Variants in SPECC1 observed in about 807,000 individuals in gnomAD.
The protein encoded by SPECC1 is sperm antigen with calponin homology and coiled-coil domains 1, also known as cytospin-B.
SPECC1 carries 62 observed loss-of-function variants against 104.1 expected under a neutral mutation model. The ratio of observed to expected loss-of-function variants is 0.60; its 90% CI spans 0.49 to 0.74. SPECC1 has a LOEUF of 0.74. Ranked by LOEUF, SPECC1 falls within the 30% of genes least tolerant of loss-of-function variation. The pLI is 0.00. For synonymous variants in SPECC1, 513 were observed against 501.6 expected, an observed-to-expected ratio of 1.02 and a Z score of -0.30; for missense variants, 1,306 against 1,310.5, an observed-to-expected ratio of 1.00 and a Z score of 0.05.
intron 1 of SPECC1, among the ~76,000 whole-genome samples, chr17:20,091,780 T>TA: frequency 6.6e-6 from 1 of 152,216 alleles, no homozygotes; most frequent in East Asian, 1.9e-4. Context: ...CCAGTGCTTA[T>TA]TGTGCTTGTA....
intron 1 of SPECC1, chr17:20,056,335 C>T (rs1597624815): frequency 5.3e-6 from 1 of 189,432 alleles, no homozygotes; most frequent in East Asian, 1.3e-4. Context: ...TGGGAACCCG[C>T]AGAAGCCTGC....
chr17:20,125,545 A>G (rs913556416), intron 3 of SPECC1, among the ~76,000 whole-genome samples: 2 of 152,212 alleles, frequency 1.3e-5, no homozygotes, highest in Non-Finnish European at 2.9e-5. Flanking sequence ...CACTGTCTGC[A>G]GCCCTTGGCA....
At chr17:20,072,385 A>G (rs968297265) in intron 1 of SPECC1, among the ~76,000 whole-genome samples, 2 of 152,168 alleles carry the variant, frequency 1.3e-5, no homozygotes, top group African/African-American at 2.4e-5. Context: ...CCCAACCACT[A>G]CCACCTCCTG....
In SPECC1 at chr17:20,205,524, C is replaced by A. The variant is rs2036718698; in HGVS notation, c.1475C>A (p.Thr492Asn). 1.2e-6 allele frequency: 2 copies of A among 1,614,014 alleles called. No homozygotes were observed. The change falls in exon 4 of 15, where the codon ACC becomes AAC. Residue 492 changes from threonine (T) to asparagine (N), a missense_variant. Around this residue, in one of 2 missense-constraint regions of SPECC1, gnomAD observed 1,177 missense variants for 1,139.9 expected, o/e 1.03. Transcript: ENST00000395527. The part of the protein sequence containing the change: ...EKLLNIQQQL[T>N]CSLRKVEEEN... ...CTACTCAACATTCAGCAGCAGTTGA[C>A]CTGTAGCTTGCGGAAGGTTGAGGAA...
In SPECC1 at chr17:20,009,368, T is replaced by TG. The variant is rs1567790587; in HGVS notation, c.-77dup. On this transcript the variant is annotated 5_prime_UTR_variant, in exon 1 of 15. Coordinates refer to ENST00000395527, the MANE Select transcript of SPECC1 (RefSeq NM_001243439.2). The surrounding 1 kb of genome is among the most constrained non-coding windows in gnomAD (Gnocchi z 5.2). Reference sequence around the variant, plus strand: ...CGCGGGTCCCTCTCCTGAGCATCAGTGAGCGCCCGGAGCCGTGGCCGCTGG... The same window carrying TG: ...CGCGGGTCCCTCTCCTGAGCATCAGTGGAGCGCCCGGAGCCGTGGCCGCTGG... 1.7e-3 allele frequency: 263 copies of TG among 152,130 alleles called. No homozygotes were observed. The highest frequency in any genetic ancestry group is 6.0e-3 in the African/African-American group (249 of 41,522). 9.4% of individuals were successfully genotyped at this position (152,130 alleles called of 1,614,324 possible). A position where few individuals can be genotyped will look rare whatever the true frequency, so the allele number is the denominator to read the frequency against.
chr17:20,053,141 C>A (rs1018316038), intron 1 of SPECC1, among the ~76,000 whole-genome samples: 5 of 152,140 alleles, frequency 3.3e-5, no homozygotes, highest in Non-Finnish European at 7.4e-5. Context: ...TATATGGTTC[C>A]TTTCTTTAAA....
At chr17:20,257,185 A>G (rs1198145551) in intron 10 of SPECC1, among the ~76,000 whole-genome samples, 1 of 152,232 alleles carries the variant, frequency 6.6e-6, no homozygotes, top group Non-Finnish European at 1.5e-5. Flanking sequence ...AGAAGGACAC[A>G]TGCTTGGTGT....
At chr17:20,037,479 C>T (rs2045137373) in intron 1 of SPECC1, among the ~76,000 whole-genome samples, 1 of 151,554 alleles carries the variant, frequency 6.6e-6, no homozygotes, top group African/African-American at 2.4e-5. Context: ...CTGCCCTTGT[C>T]CAGTGCTTCT....
intron 13 of SPECC1, among the ~76,000 whole-genome samples, chr17:20,304,429 A>G (rs1263510386): frequency 6.6e-6 from 1 of 152,214 alleles, no homozygotes; most frequent in Non-Finnish European, 1.5e-5. Context: ...GAGAAGCATG[A>G]ACAAATGATT....
In SPECC1 at chr17:20,317,518, C is replaced by T. The variant is rs2042055869; in HGVS notation, c.*3453C>T. The T allele has an allele frequency of 5.4e-6, 1 of 185,650 alleles. No individual in the cohort carries two copies. 11.5% of individuals were successfully genotyped at this position (185,650 alleles called of 1,614,324 possible). On this transcript the variant is annotated 3_prime_UTR_variant, in exon 15 of 15. Transcript: ENST00000395527. ...AAGTGATAAGCCTGCCTCAACCTCC[C>T]AAAGTGCTGGGACTACAGGGGTAAG...
chr17:20,230,338 G>GC (rs2038494755), intron 5 of SPECC1, among the ~76,000 whole-genome samples: 2 of 152,164 alleles, frequency 1.3e-5, no homozygotes. Context: ...GACAGCACCT[G>GC]CCCCATTTCT....
chr17:20,243,017 A>C (rs1273450559), intron 7 of SPECC1, among the ~76,000 whole-genome samples: 1 of 152,224 alleles, frequency 6.6e-6, no homozygotes, highest in Non-Finnish European at 1.5e-5. Flanking sequence ...GTGTGATGTA[A>C]CTGAAGAAAG....
chr17:20,314,982 C>T lies in SPECC1; in HGVS notation c.*917C>T, dbSNP rs990745212. The T allele has an allele frequency of 1.1e-4, 26 of 232,836 alleles. No homozygotes were observed. The East Asian group carries it at 1.4e-3, about 12-fold the overall frequency. 14.4% of individuals were successfully genotyped at this position (232,836 alleles called of 1,614,324 possible). ...CTGTGTGCTCCTGAGCAGCTCGCGG[C>T]TTTCACAGTAGGGAAACCGCAGTCC... is the stretch of plus-strand genomic sequence containing the variant. On this transcript the variant is annotated 3_prime_UTR_variant, in exon 15 of 15. Transcript: ENST00000395527.
intron 1 of SPECC1, among the ~76,000 whole-genome samples, chr17:20,025,876 T>C (rs1880199631): frequency 6.6e-6 from 1 of 152,202 alleles, no homozygotes. Flanking sequence ...ACATTTGTTA[T>C]TACCTTTTTA....
intron 2 of SPECC1, among the ~76,000 whole-genome samples, chr17:20,100,117 A>T (rs34370440): frequency 2.6e-5 from 4 of 151,926 alleles, no homozygotes; most frequent in African/African-American, 9.7e-5. Flanking sequence ...AATGTTTTGA[A>T]TAACTTTTTC....
chr17:20,237,331 TGA>T, intron 7 of SPECC1: 1 of 741,908 alleles, frequency 1.3e-6, no homozygotes, highest in Non-Finnish European at 1.7e-6. Flanking sequence ...TTTTTTTTTT[TGA>T]GACAGAGTTT....
chr17:20,216,602 C>T (rs946211913), intron 4 of SPECC1, among the ~76,000 whole-genome samples: 1 of 152,084 alleles, frequency 6.6e-6, no homozygotes, highest in Non-Finnish European at 1.5e-5. Flanking sequence ...ATCCTCTGGG[C>T]CCTGCGTAGG....
intron 5 of SPECC1, among the ~76,000 whole-genome samples, chr17:20,228,057 A>G (rs1354386675): frequency 1.3e-5 from 2 of 152,198 alleles, no homozygotes; most frequent in African/African-American, 4.8e-5. Flanking sequence ...GTCACCTAAG[A>G]AACAATCATT....
chr17:20,065,919 C>T (rs1440242848), intron 1 of SPECC1, among the ~76,000 whole-genome samples: 3 of 152,166 alleles, frequency 2.0e-5, no homozygotes, highest in African/African-American at 7.2e-5. Context: ...GGACTATAGG[C>T]ATCAGGAGCC....
Sources: allele counts gnomAD v4.1 joint callset (sites outside exome capture counted in the v4.1 genomes callset), GRCh38; gene constraint gnomAD v4.1.1; regional missense constraint gnomAD v4.1.1; non-coding constraint Gnocchi (gnomAD v3.1); transcripts MANE v1.5; gene names NCBI Gene and HGNC (gene_info 2026-07-23, HGNC 2026-07-21).